Variants in ADGRA3 observed in about 807,000 individuals in gnomAD.
The protein encoded by ADGRA3 is adhesion G protein-coupled receptor A3, also known as G-protein coupled receptor 125.
Under a neutral mutation model 119.8 loss-of-function variants are expected in ADGRA3, and 56 were observed. The observed-to-expected ratio is 0.47, with a 90% CI of 0.38 to 0.58. The LOEUF (loss-of-function observed/expected upper bound fraction) is 0.58. Among genes scored for constraint, ADGRA3 ranks in the 20% least tolerant of loss-of-function variants. The pLI is 0.00. For missense variants in ADGRA3, 1,516 were observed against 1,649.0 expected (o/e 0.92, Z 1.40); for synonymous variants, 607 against 623.8 (o/e 0.97, Z 0.40).
intron 1 of ADGRA3, among the ~76,000 whole-genome samples, chr4:22,504,412 C>T (rs1009185076): frequency 2.0e-5 from 3 of 152,280 alleles, no homozygotes; most frequent in East Asian, 3.9e-4. Flanking sequence ...AAGAAAATCT[C>T]GCGTCTCTCC....
chr4:22,421,900 A>G, intron 11 of ADGRA3, among the ~76,000 whole-genome samples: 1 of 146,382 alleles, frequency 6.8e-6, no homozygotes, highest in Non-Finnish European at 1.5e-5. Flanking sequence ...AAAAAAAAAA[A>G]AAAAAAGCAA....
At chr4:22,494,004 AC>A (rs1718722044) in intron 1 of ADGRA3, among the ~76,000 whole-genome samples, 1 of 151,954 alleles carries the variant, frequency 6.6e-6, no homozygotes, top group South Asian at 2.1e-4. Context: ...GGGGTTCGAG[AC>A]CAGCCTGACC....
At chr4:22,430,832 G>A (rs1227305581) in intron 10 of ADGRA3, among the ~76,000 whole-genome samples, 1 of 61,840 alleles carries the variant, frequency 1.6e-5, no homozygotes, top group Non-Finnish European at 4.2e-5. Context: ...CATAGGCTGG[G>A]CCCAGGGTCC....
At chr4:22,475,680 T>TC (rs1308032491) in intron 1 of ADGRA3, among the ~76,000 whole-genome samples, 1 of 151,290 alleles carries the variant, frequency 6.6e-6, no homozygotes, top group Non-Finnish European at 1.5e-5. Context: ...TGAGCCGAGA[T>TC]CGTGCCACTG....
intron 1 of ADGRA3, among the ~76,000 whole-genome samples, chr4:22,474,840 C>T (rs1435715045): frequency 6.6e-6 from 1 of 152,200 alleles, no homozygotes; most frequent in Non-Finnish European, 1.5e-5. Flanking sequence ...CATTGCATAA[C>T]TTTCAGGGGC....
At chr4:22,486,858 C>G (rs1718448145) in intron 1 of ADGRA3, among the ~76,000 whole-genome samples, 2 of 152,106 alleles carry the variant, frequency 1.3e-5, no homozygotes, top group Admixed American at 1.3e-4. Context: ...GTATATCATC[C>G]CAGGCCTTTC....
chr4:22,389,130 G>C lies in ADGRA3; in HGVS notation c.2681C>G (p.Ala894Gly). 1.2e-6 allele frequency: 2 copies of C among 1,614,058 alleles called. No individual in the cohort carries two copies. The highest frequency in any genetic ancestry group is 1.7e-6 in the Non-Finnish European group (2 of 1,179,928). Residue 894 changes from alanine (A) to glycine (G), a missense_variant, in exon 18 of 19, where the codon GCA becomes GGA. Physicochemically the swap from Ala to Gly is moderately conservative, Grantham distance 60 (BLOSUM62 0). This residue lies in a region of ADGRA3 where 1,088 missense variants were observed against 1,107.1 expected (regional missense o/e 0.98). Coordinates refer to ENST00000334304, the MANE Select transcript of ADGRA3 (RefSeq NM_145290.4). Reference protein sequence around the residue: ...IPIIVCGITAAANIKNYGSRP... With the variant: ...IPIIVCGITAGANIKNYGSRP... ...ACTGCCGTAATTCTTAATGTTCGCT[G>C]CTGCAGTTATGCCGCAAACAATGAT...
Position 22,413,216 on chromosome 4 carries a change from T to C in ADGRA3, c.2198A>G (p.Gln733Arg). Residue 733 changes from glutamine (Q) to arginine (R), a missense_variant, in exon 14 of 19, where the codon CAG (glutamine) becomes CGG (arginine). Gln to Arg is a conservative substitution (Grantham distance 43). Around this residue, in one of 2 missense-constraint regions of ADGRA3, gnomAD observed 1,088 missense variants for 1,107.1 expected, o/e 0.98. Transcript: ENST00000334304. ...LYSDENITTIQCYSLSNYAVL... is the reference protein window; with the variant it reads ...LYSDENITTIRCYSLSNYAVL... ...TGCATAGTTACTAAGGGAGTAGCAC[T>C]GAATCGTAGTGATATTTTCATCTGA... The C allele has an allele frequency of 6.2e-7, 1 of 1,613,986 alleles. No homozygotes were observed. Among genetic ancestry groups the C allele is most frequent in the Non-Finnish European group, 8.5e-7 (1 of 1,179,882 alleles).
At position 22,444,890 on chromosome 4, in the gene ADGRA3, G is replaced by A. The variant is rs573889912; in HGVS notation, c.706+83C>T. The A allele has an allele frequency of 3.0e-5, 41 of 1,381,342 alleles. No individual in the cohort carries two copies. The South Asian group carries it at 4.5e-4, about 15-fold the overall frequency. The allele number at this position is 1,381,342 out of a possible 1,614,324, so 85.6% of individuals were successfully genotyped here. On this transcript the variant is annotated intron_variant, in intron 6 of 18. Coordinates refer to ENST00000334304, the MANE Select transcript of ADGRA3 (RefSeq NM_145290.4). ...CATACTAGTTCTGTCCAAGTATAAA[G>A]AGAATCTTACAATTTGTCAAGAAAA... is the stretch of plus-strand genomic sequence containing the variant.
At chr4:22,421,878 C>T (rs1287671727) in intron 11 of ADGRA3, among the ~76,000 whole-genome samples, 1 of 63,584 alleles carries the variant, frequency 1.6e-5, no homozygotes, top group Non-Finnish European at 3.1e-5. Flanking sequence ...AAGACTCAGT[C>T]TCCAAAAAAA....
Position 22,494,532 on chromosome 4 carries a change from T to A in ADGRA3, c.258-20689A>T, listed in dbSNP as rs537170804. On this transcript the variant is annotated intron_variant, in intron 1 of 18. Transcript: ENST00000334304. The stretch of plus-strand genomic sequence containing the variant: ...GAGCTCTATGAACCCTCTCTTGGGG[T>A]CTGGATTGGGACCTCTTTCCTGTAA... 2.0e-5 allele frequency among the ~76,000 whole-genome samples: 3 copies of A among 152,032 alleles called. No homozygotes were observed. The South Asian group carries it at 6.2e-4, about 32-fold the overall frequency.
At chr4:22,471,544 C>A (rs1356228792) in intron 2 of ADGRA3, among the ~76,000 whole-genome samples, 1 of 152,150 alleles carries the variant, frequency 6.6e-6, no homozygotes, top group Admixed American at 6.5e-5. Flanking sequence ...GGAGGCAGGT[C>A]CCAACTGGGC....
At chr4:22,404,561 T>C (rs1050821165) in intron 14 of ADGRA3, among the ~76,000 whole-genome samples, 2 of 152,130 alleles carry the variant, frequency 1.3e-5, no homozygotes, top group Admixed American at 1.3e-4. Context: ...ACTTGACAAA[T>C]ATTGAGTGCC....
In ADGRA3 at chr4:22,454,857, T is replaced by C. The variant is rs1272824891; in HGVS notation, c.473+9A>G. The C allele has an allele frequency of 2.5e-6, 4 of 1,602,210 alleles. No homozygotes were observed. The highest frequency in any genetic ancestry group is 3.4e-6 in the Non-Finnish European group (4 of 1,169,198). On this transcript the variant is annotated intron_variant, in intron 4 of 18. Coordinates refer to ENST00000334304, the MANE Select transcript of ADGRA3 (RefSeq NM_145290.4). ...TTATCTTTTAATGGGAAAGAAAAGA[T>C]ATACTTACAGCCGAACCAGATTGGT...
At chr4:22,390,289 A>G (rs1714058015) in intron 17 of ADGRA3, among the ~76,000 whole-genome samples, 1 of 142,846 alleles carries the variant, frequency 7.0e-6, no homozygotes, top group Admixed American at 7.1e-5. Flanking sequence ...AATCTTCTCT[A>G]TTGCTTATTT....
chr4:22,456,065 G>A (rs1341162363), intron 3 of ADGRA3, among the ~76,000 whole-genome samples: 2 of 152,136 alleles, frequency 1.3e-5, no homozygotes, highest in African/African-American at 2.4e-5. Context: ...TCAGTAAGGC[G>A]ATCTGCACCA....
intron 9 of ADGRA3, 99 bp from the exon 10 acceptor site, chr4:22,435,565 T>G (rs1209968135): frequency 1.1e-5 from 12 of 1,069,274 alleles, no homozygotes; most frequent in African/African-American, 1.6e-5. Context: ...CAGCAACGAA[T>G]TAAAAACTTT....
intron 1 of ADGRA3, among the ~76,000 whole-genome samples, chr4:22,504,552 C>T (rs1270773052): frequency 6.6e-6 from 1 of 152,168 alleles, no homozygotes; most frequent in Non-Finnish European, 1.5e-5. Flanking sequence ...TTGGCTTCAG[C>T]ACGCCACTCT....
chr4:22,402,724 G>A lies in ADGRA3; in HGVS notation c.2308C>T (p.Leu770Phe). Reference protein sequence around the residue: ...HPVVYTTAIILLLCLLAVIVS... With the variant: ...HPVVYTTAIIFLLCLLAVIVS... ...ATGACGGCTAAGAGACATAAGAGGAGAATGATAGCGGTAGTATAAACCACA... is the reference window on the plus strand; with the variant it reads ...ATGACGGCTAAGAGACATAAGAGGAAAATGATAGCGGTAGTATAAACCACA... Residue 770 changes from leucine to phenylalanine, a missense_variant, in exon 15 of 19, where the codon CTC (leucine) becomes TTC (phenylalanine). By Grantham distance (22) the Leu-to-Phe change is conservative. Transcript: ENST00000334304. 6.2e-7 allele frequency: 1 copy of A among 1,613,852 alleles called. No individual in the cohort carries two copies. Among genetic ancestry groups the A allele is most frequent in the Non-Finnish European group, 8.5e-7 (1 of 1,179,788 alleles).
Sources: allele counts gnomAD v4.1 joint callset (sites outside exome capture counted in the v4.1 genomes callset), GRCh38; gene constraint gnomAD v4.1.1; regional missense constraint gnomAD v4.1.1; transcripts MANE v1.5; gene names NCBI Gene and HGNC (gene_info 2026-07-23, HGNC 2026-07-21).